The following DPP10 variants were observed in gnomAD, a reference collection of about 807,000 sequenced individuals.
The protein encoded by DPP10 is dipeptidyl peptidase like 10.
Under a neutral mutation model 120.9 loss-of-function variants are expected in DPP10, and 33 were observed. The observed-to-expected ratio is 0.27, with a 90% CI of 0.21 to 0.37. The LOEUF (loss-of-function observed/expected upper bound fraction) is 0.37, where lower values mean the gene tolerates loss of function less well. DPP10 is among the 10% of genes least tolerant of loss of function. The pLI is 1.00. For missense variants in DPP10, 816 were observed against 942.8 expected (o/e 0.87, Z 1.76); for synonymous variants, 337 against 326.1 (o/e 1.03, Z -0.36).
intron 3 of DPP10, among the ~76,000 whole-genome samples, chr2:115,352,404 A>C (rs2064092538): frequency 6.6e-6 from 1 of 152,154 alleles, no homozygotes; most frequent in South Asian, 2.1e-4. Flanking sequence ...GTTTGTAGTA[A>C]AATATCTGGT....
At chr2:115,236,718 T>C (rs2058025904) in intron 1 of DPP10, among the ~76,000 whole-genome samples, 4 of 152,184 alleles carry the variant, frequency 2.6e-5, no homozygotes, top group Admixed American at 2.6e-4. Flanking sequence ...AGAAAGACAA[T>C]TTTGAATTTT....
intron 1 of DPP10, among the ~76,000 whole-genome samples, chr2:114,606,459 C>T (rs1304955963): frequency 1.3e-5 from 2 of 152,100 alleles, no homozygotes; most frequent in Non-Finnish European, 2.9e-5. Flanking sequence ...CTAGAGTTGT[C>T]TTATGTACCA....
At chr2:115,066,963 G>A (rs143708185) in intron 1 of DPP10, 1 of 152,086 alleles carries the variant, frequency 6.6e-6, no homozygotes, top group Non-Finnish European at 1.5e-5. Flanking sequence ...TAAGTATACG[G>A]TACAGTATAA....
At chr2:115,160,954 A>C (rs1264871802) in intron 1 of DPP10, 1 of 152,118 alleles carries the variant, frequency 6.6e-6, no homozygotes, top group Non-Finnish European at 1.5e-5. Context: ...ACCTACTTTG[A>C]ATGGGAGAGG....
chr2:115,711,605 C>T (rs6760766), intron 7 of DPP10, among the ~76,000 whole-genome samples: 146,557 of 152,156 alleles, frequency 0.96, 70,839 homozygotes, highest in Middle Eastern at 1. Context: ...AAAAGATGCA[C>T]AGTTGGTAAA....
intron 1 of DPP10, among the ~76,000 whole-genome samples, chr2:114,850,357 T>C (rs79067802): frequency 6.6e-6 from 1 of 152,256 alleles, no homozygotes; most frequent in East Asian, 1.9e-4. Context: ...TACTCAAACT[T>C]ATCTAAAAAG....
chr2:115,628,303 T>A (rs1255788263), intron 5 of DPP10, among the ~76,000 whole-genome samples: 1 of 152,136 alleles, frequency 6.6e-6, no homozygotes, highest in Non-Finnish European at 1.5e-5. Context: ...TTCTTGGCCA[T>A]ATAAATGTCT....
At chr2:115,343,492 T>C (rs1198324261) in intron 2 of DPP10, among the ~76,000 whole-genome samples, 3 of 152,124 alleles carry the variant, frequency 2.0e-5, no homozygotes, top group African/African-American at 7.2e-5. Flanking sequence ...GGCTGAATTA[T>C]AGTTAAATGG....
chr2:114,472,423 G>A (rs1280572934), intron 1 of DPP10, among the ~76,000 whole-genome samples: 1 of 152,212 alleles, frequency 6.6e-6, no homozygotes, highest in Non-Finnish European at 1.5e-5. Context: ...CTTTAAGAGG[G>A]ATTCAAGGGC....
chr2:115,817,714 A>G (rs115214640), intron 21 of DPP10, among the ~76,000 whole-genome samples: 1,954 of 152,150 alleles, frequency 0.013, 45 homozygotes, highest in African/African-American at 0.042. Context: ...TAAGAAAGTG[A>G]TCATCCCAAA....
intron 2 of DPP10, among the ~76,000 whole-genome samples, chr2:115,318,602 A>G (rs1302501043): frequency 6.6e-6 from 1 of 152,124 alleles, no homozygotes; most frequent in Non-Finnish European, 1.5e-5. Context: ...ACAAAAATCA[A>G]CATTTTGTAG....
At chr2:115,316,556 C>T (rs989387400) in intron 2 of DPP10, among the ~76,000 whole-genome samples, 17 of 152,002 alleles carry the variant, frequency 1.1e-4, no homozygotes, top group African/African-American at 2.7e-4. Context: ...AGTTGAAAAT[C>T]GTAAGTGTAA....
At chr2:115,343,953 T>G in intron 3 of DPP10, 41 bp downstream of exon 3, 1 of 1,493,524 alleles carries the variant, frequency 6.7e-7, no homozygotes, top group African/African-American at 1.4e-5. Context: ...CATTTTGAGT[T>G]CTGTATAATT....
intron 1 of DPP10, among the ~76,000 whole-genome samples, chr2:115,205,343 A>G (rs988289897): frequency 6.6e-6 from 1 of 152,072 alleles, no homozygotes; most frequent in Non-Finnish European, 1.5e-5. Flanking sequence ...ATTTATTGAG[A>G]AGGGAATTTT....
chr2:115,643,944 T>C (rs887718854), intron 5 of DPP10, among the ~76,000 whole-genome samples: 4 of 152,176 alleles, frequency 2.6e-5, no homozygotes, highest in Non-Finnish European at 5.9e-5. Flanking sequence ...ATGTGGTTCT[T>C]GTCTTTATCT....
At chr2:115,396,714 G>T (rs189287737) in intron 3 of DPP10, among the ~76,000 whole-genome samples, 1 of 152,208 alleles carries the variant, frequency 6.6e-6, no homozygotes, top group East Asian at 1.9e-4. Context: ...GCAATAAAAG[G>T]TTGCTGCTTC....
chr2:115,662,068 CTA>C (rs1305438736), intron 5 of DPP10, among the ~76,000 whole-genome samples: 1 of 152,120 alleles, frequency 6.6e-6, no homozygotes, highest in African/African-American at 2.4e-5. Flanking sequence ...CTTTCTGCTT[CTA>C]TATGTTTGAT....
intron 1 of DPP10, among the ~76,000 whole-genome samples, chr2:115,082,971 C>T (rs980010598): frequency 6.6e-6 from 1 of 152,192 alleles, no homozygotes; most frequent in Non-Finnish European, 1.5e-5. Flanking sequence ...TCTCAGTTAT[C>T]AAATCAATGA....
chr2:114,709,210 T>C (rs1574014751), intron 1 of DPP10, among the ~76,000 whole-genome samples: 1 of 152,148 alleles, frequency 6.6e-6, no homozygotes, highest in Non-Finnish European at 1.5e-5. Flanking sequence ...GGAGCCTGGG[T>C]ACTTTCTTCC....
Sources: gnomAD v4.1 joint callset for allele counts (sites outside exome capture counted in the v4.1 genomes callset) on GRCh38, gnomAD v4.1.1 for gene constraint, MANE v1.5 for transcripts, NCBI Gene and HGNC (gene_info 2026-07-23, HGNC 2026-07-21) for gene names.